NSUN2: variants seen among roughly 807,000 people sequenced by gnomAD.
The protein encoded by NSUN2 is NOP2/Sun RNA methyltransferase 2.
Under a neutral mutation model 92.7 loss-of-function variants are expected in NSUN2, and 63 were observed. The ratio of observed to expected loss-of-function variants is 0.68; its 90% CI spans 0.56 to 0.84. NSUN2 has a LOEUF of 0.84. Among genes scored for constraint, NSUN2 ranks in the 40% least tolerant of loss-of-function variants. The pLI is 0.00. For synonymous variants in NSUN2, 356 were observed against 348.3 expected (o/e 1.02, Z -0.25); for missense variants, 989 against 964.9 (o/e 1.02, Z -0.33).
At chr5:6,622,770 T>C (rs889151593) in intron 5 of NSUN2, among the ~76,000 whole-genome samples, 3 of 147,504 alleles carry the variant, frequency 2.0e-5, no homozygotes, top group Non-Finnish European at 3.0e-5. Context: ...TTGCCTGAAC[T>C]CAGGAGGCGG....
At chr5:6,611,683 T>G (rs542745411) in intron 10 of NSUN2, 42 bp downstream of exon 10, 1 of 1,545,838 alleles carries the variant, frequency 6.5e-7, no homozygotes, top group Admixed American at 1.7e-5. Context: ...TCAGTGATGC[T>G]GCACCTACTC....
chr5:6,631,102 C>A (rs186993266), intron 3 of NSUN2, among the ~76,000 whole-genome samples: 2 of 152,252 alleles, frequency 1.3e-5, no homozygotes, highest in African/African-American at 4.8e-5. Flanking sequence ...TCCAAACAAA[C>A]AAACAGACAA....
At chr5:6,614,617 A>C (rs1005636514) in intron 9 of NSUN2, among the ~76,000 whole-genome samples, 5 of 151,986 alleles carry the variant, frequency 3.3e-5, no homozygotes, top group Non-Finnish European at 5.9e-5. Flanking sequence ...TCAGATGACA[A>C]CCCCTCACGA....
Position 6,599,824 on chromosome 5 carries a change from T to G in NSUN2, c.*102A>C. 9.8e-7 allele frequency: 1 copy of G among 1,018,280 alleles called. No individual in the cohort carries two copies. The allele number at this position is 1,018,280 out of a possible 1,614,324, so 63.1% of individuals were successfully genotyped here. ...TCTGCAGTCATTAGAAATATATGCT[T>G]TACAGGCCACAGGCTGCTCTGGATT... On this transcript the variant is annotated 3_prime_UTR_variant, in exon 19 of 19. Coordinates refer to ENST00000264670, the MANE Select transcript of NSUN2 (RefSeq NM_017755.6).
In NSUN2 at chr5:6,605,291, A is replaced by G; in HGVS notation, c.1719T>C (p.Asn573=). 1 of 1,614,154 alleles carries G rather than the reference A, an allele frequency of 6.2e-7. No individual in the cohort carries two copies. Among genetic ancestry groups the G allele is most frequent in the Non-Finnish European group, 8.5e-7 (1 of 1,180,010 alleles). ...VSKELRNVLL[N]NSEKMKVINT... Reference sequence around the variant, plus strand: ...CTGGCACCTTCATCTTCTCACTGTTATTCAGCAGCACATTCCGCAACTCCT... The same window carrying G: ...CTGGCACCTTCATCTTCTCACTGTTGTTCAGCAGCACATTCCGCAACTCCT... The change falls in exon 15 of 19, where the codon AAT becomes AAC. Residue 573 remains asparagine, a synonymous_variant. Coordinates refer to ENST00000264670, the MANE Select transcript of NSUN2 (RefSeq NM_017755.6).
rs759370171 is a variant in NSUN2 at position 6,631,939 on chromosome 5, T to C, written c.293A>G (p.Tyr98Cys). The C allele has an allele frequency of 6.2e-7, 1 of 1,614,026 alleles. No individual in the cohort carries two copies. Among genetic ancestry groups the C allele is most frequent in the Admixed American group, 1.7e-5 (1 of 60,000 alleles). The change falls in exon 3 of 19, where the codon TAT (tyrosine) becomes TGT (cysteine). Residue 98 changes from tyrosine to cysteine, a missense_variant. Coordinates refer to ENST00000264670, the MANE Select transcript of NSUN2 (RefSeq NM_017755.6). ...CTCCAGGTCCTCCAATTCCTTAAAA[T>C]ATTTGTTCTTTAAGCAATGGAGAAT... ...KEILHCLKNK[Y>C]FKELEDLEVD...
chr5:6,629,422 G>A (rs1737779394), intron 3 of NSUN2, among the ~76,000 whole-genome samples: 1 of 152,208 alleles, frequency 6.6e-6, no homozygotes, highest in Non-Finnish European at 1.5e-5. Context: ...AGAAGAAAAT[G>A]CCCACATGGA....
rs183872282 is a variant in NSUN2, at chr5:6,627,866, A to G, written c.360-2197T>C. ...TTTAACATCAAACAAAATGAGAGGTATATTTAATTTTTAGTTACTTACTTC... is the reference window on the plus strand; with the variant it reads ...TTTAACATCAAACAAAATGAGAGGTGTATTTAATTTTTAGTTACTTACTTC... On this transcript the variant is annotated intron_variant, in intron 3 of 18. Coordinates refer to ENST00000264670, the MANE Select transcript of NSUN2 (RefSeq NM_017755.6). Among the ~76,000 whole-genome samples the G allele has an allele frequency of 3.5e-4, 53 of 152,384 alleles. No homozygotes were observed. In the East Asian group the frequency reaches 9.4e-3, roughly 27 times the overall value.
At chr5:6,616,072 G>GT (rs1737195631) in intron 9 of NSUN2, among the ~76,000 whole-genome samples, 1 of 152,126 alleles carries the variant, frequency 6.6e-6, no homozygotes, top group Admixed American at 6.5e-5. Context: ...CAGCCACTGT[G>GT]AAAAAAAGCA....
At chr5:6,609,713 T>G in intron 12 of NSUN2, 113 bp downstream of exon 12, 1 of 795,294 alleles carries the variant, frequency 1.3e-6, no homozygotes, top group Non-Finnish European at 2.1e-6. Context: ...GCTCTCCTGC[T>G]GCCCACAGCA....
chr5:6,620,398 T>C (rs1332022396), intron 6 of NSUN2, 100 bp from the exon 7 acceptor site: 1 of 908,698 alleles, frequency 1.1e-6, no homozygotes, highest in East Asian at 2.8e-5. Context: ...GAAGCAGCAA[T>C]CCACCAAACT....
In NSUN2 at chr5:6,599,458, A is replaced by G. The variant is rs1736453266; in HGVS notation, c.*468T>C. The G allele has an allele frequency of 6.5e-6, 1 of 153,828 alleles. No homozygotes were observed. The highest frequency in any genetic ancestry group is 2.4e-5 in the African/African-American group (1 of 41,454). The allele number at this position is 153,828 out of a possible 1,614,324, so 9.5% of individuals were successfully genotyped here. A position where few individuals can be genotyped will look rare whatever the true frequency, so the allele number is the denominator to read the frequency against. ...CAGATATTAACCCCACTGCATGTTA[A>G]TGACACACCACTGAGGTGCAGCTCA... On this transcript the variant is annotated 3_prime_UTR_variant, in exon 19 of 19. Transcript: ENST00000264670.
chr5:6,633,035 C>T lies in NSUN2; in HGVS notation c.-56G>A. The T allele has an allele frequency of 7.2e-7, 1 of 1,391,018 alleles. No individual in the cohort carries two copies. Among genetic ancestry groups the T allele is most frequent in the Non-Finnish European group, 9.3e-7 (1 of 1,078,650 alleles). The allele number at this position is 1,391,018 out of a possible 1,614,324, so 86.2% of individuals were successfully genotyped here. On this transcript the variant is annotated 5_prime_UTR_variant, in exon 1 of 19. Coordinates refer to ENST00000264670, the MANE Select transcript of NSUN2 (RefSeq NM_017755.6). The stretch of plus-strand genomic sequence containing the variant: ...AAACCGGCCCGCCACGGCCAGAACT[C>T]TAGCCCTACACCTCCCGGGACTTCC...
chr5:6,599,947 C>T lies in NSUN2; in HGVS notation c.2283G>A (p.Ala761=), dbSNP rs752702755. The change falls in exon 19 of 19, where the codon GCG becomes GCA. Residue 761 remains alanine, a synonymous_variant. Transcript: ENST00000264670. Reference sequence around the variant, plus strand: ...CTGCTCACCGGGGTGGATGGACCCCCGCCGGGTCACAGCCTGCTGTCACGT... The same window carrying T: ...CTGCTCACCGGGGTGGATGGACCCCTGCCGGGTCACAGCCTGCTGTCACGT... ...SPDVTAGCDP[A]GVHPPR is the part of the protein sequence containing the mutation. 147 of 1,613,380 alleles carry T rather than the reference C, an allele frequency of 9.1e-5. No homozygotes were observed. The highest frequency in any genetic ancestry group is 1.3e-4 in the Admixed American group (8 of 60,012).
chr5:6,623,958 C>G (rs1014841381), intron 4 of NSUN2, among the ~76,000 whole-genome samples: 1 of 152,202 alleles, frequency 6.6e-6, no homozygotes, highest in African/African-American at 2.4e-5. Context: ...AACCACACCT[C>G]TACTTTAATC....
chr5:6,625,717 C>A, intron 3 of NSUN2, 48 bp from the exon 4 acceptor site: 1 of 1,351,788 alleles, frequency 7.4e-7, no homozygotes, highest in South Asian at 1.2e-5. Context: ...ATACTAAAGT[C>A]GTCTGTTGAC....
chr5:6,620,662 C>G (rs1347068617), intron 6 of NSUN2: 1 of 159,688 alleles, frequency 6.3e-6, no homozygotes, highest in African/African-American at 2.4e-5. Flanking sequence ...TTTCAAAATC[C>G]TGAACACAAG....
At chr5:6,618,174 T>C in intron 7 of NSUN2, 150 bp from the exon 8 acceptor site, 3 of 583,482 alleles carry the variant, frequency 5.1e-6, no homozygotes, top group Non-Finnish European at 9.0e-6. Context: ...CAATCTGCTT[T>C]CAGCTTTTGT....
intron 5 of NSUN2, 35 bp downstream of exon 5, chr5:6,623,179 T>C (rs1299297735): frequency 6.4e-7 from 1 of 1,563,448 alleles, no homozygotes; most frequent in East Asian, 2.3e-5. Context: ...GGTAACAAGC[T>C]GCCCGCCCCC....
Sources: allele counts gnomAD v4.1 joint callset (sites outside exome capture counted in the v4.1 genomes callset), GRCh38; gene constraint gnomAD v4.1.1; transcripts MANE v1.5; gene names NCBI Gene and HGNC (gene_info 2026-07-23, HGNC 2026-07-21).